Variants in CNTNAP2 observed in about 807,000 individuals in gnomAD.
The protein encoded by CNTNAP2 is contactin associated protein 2.
In CNTNAP2, 98 loss-of-function variants were observed where a neutral mutation model predicts 155.2. The observed-to-expected ratio is 0.63, with a 90% confidence interval of 0.54 to 0.75. The LOEUF (loss-of-function observed/expected upper bound fraction) is 0.75. Ranked by LOEUF, CNTNAP2 falls within the 30% of genes least tolerant of loss-of-function variation. CNTNAP2 has a pLI of 0.00. For missense variants in CNTNAP2, 1,727 were observed against 1,688.1 expected, an observed-to-expected ratio of 1.02 and a Z score of -0.40; for synonymous variants, 651 against 631.2, an observed-to-expected ratio of 1.03 and a Z score of -0.47.
intron 11 of CNTNAP2, among the ~76,000 whole-genome samples, chr7:147,509,536 TC>T (rs1051450503): frequency 6.6e-6 from 1 of 152,182 alleles, no homozygotes; most frequent in African/African-American, 2.4e-5. Flanking sequence ...TTGTGCTTTT[TC>T]TTTCTAACCT....
At chr7:146,216,222 C>A (rs1001803466) in intron 1 of CNTNAP2, among the ~76,000 whole-genome samples, 1 of 152,070 alleles carries the variant, frequency 6.6e-6, no homozygotes, top group African/African-American at 2.4e-5. Context: ...AGCCAAGAAG[C>A]CAGGGGTTGG....
chr7:147,190,680 T>G (rs2116522463), intron 8 of CNTNAP2, among the ~76,000 whole-genome samples: 1 of 152,354 alleles, frequency 6.6e-6, no homozygotes, highest in African/African-American at 2.4e-5. Flanking sequence ...TATAATCATT[T>G]TGCATAAATC....
chr7:146,941,785 T>C (rs1007543940), intron 3 of CNTNAP2, among the ~76,000 whole-genome samples: 3 of 152,030 alleles, frequency 2.0e-5, no homozygotes, highest in Admixed American at 6.5e-5. Flanking sequence ...ACAGATTTTT[T>C]TTTTTCTTCA....
intron 18 of CNTNAP2, among the ~76,000 whole-genome samples, chr7:148,200,895 A>G (rs1002560448): frequency 6.6e-6 from 1 of 152,190 alleles, no homozygotes; most frequent in Non-Finnish European, 1.5e-5. Context: ...TTGTGAGACT[A>G]AATAACATAG....
At chr7:146,622,399 T>G (rs2129156739) in intron 1 of CNTNAP2, among the ~76,000 whole-genome samples, 1 of 152,142 alleles carries the variant, frequency 6.6e-6, no homozygotes, top group South Asian at 2.1e-4. Flanking sequence ...AGTATCTGGA[T>G]GCTATGTATG....
At chr7:146,742,961 A>G (rs1036487708) in intron 1 of CNTNAP2, among the ~76,000 whole-genome samples, 1 of 152,168 alleles carries the variant, frequency 6.6e-6, no homozygotes, top group East Asian at 1.9e-4. Context: ...CATTTTTTTA[A>G]AAAAAGTATA....
At chr7:146,147,076 G>T (rs1017425658) in intron 1 of CNTNAP2, among the ~76,000 whole-genome samples, 1 of 152,122 alleles carries the variant, frequency 6.6e-6, no homozygotes, top group African/African-American at 2.4e-5. Context: ...TGATAACCCG[G>T]AAGTGACCAC....
intron 13 of CNTNAP2, among the ~76,000 whole-genome samples, chr7:147,694,955 T>C (rs1442316831): frequency 1.3e-5 from 2 of 152,338 alleles, no homozygotes; most frequent in African/African-American, 2.4e-5. Flanking sequence ...AGATCTTTTT[T>C]TCTAATATAT....
chr7:146,937,130 G>A (rs1479756334), intron 3 of CNTNAP2, among the ~76,000 whole-genome samples: 1 of 152,030 alleles, frequency 6.6e-6, no homozygotes, highest in Non-Finnish European at 1.5e-5. Flanking sequence ...GCTCATGCCT[G>A]TAATCTCAGC....
chr7:146,548,814 TCGTTTTGTTAA>T (rs1798071568), intron 1 of CNTNAP2, among the ~76,000 whole-genome samples: 1 of 148,950 alleles, frequency 6.7e-6, no homozygotes. Flanking sequence ...TTTTTTTTTT[TCGTTTTGTTAA>T]TTGTTTCCTT....
At chr7:147,824,316 T>A (rs1468322310) in intron 13 of CNTNAP2, among the ~76,000 whole-genome samples, 1 of 152,188 alleles carries the variant, frequency 6.6e-6, no homozygotes, top group Non-Finnish European at 1.5e-5. Context: ...ATCTGTAAGA[T>A]GTGGACCCAG....
intron 13 of CNTNAP2, among the ~76,000 whole-genome samples, chr7:147,739,592 A>G (rs1245114091): frequency 1.3e-5 from 2 of 152,038 alleles, no homozygotes; most frequent in Admixed American, 6.6e-5. Flanking sequence ...ATATACCCCC[A>G]TTATATGATT....
chr7:148,175,895 G>T (rs530476223), intron 18 of CNTNAP2, among the ~76,000 whole-genome samples: 2 of 150,942 alleles, frequency 1.3e-5, no homozygotes, highest in Non-Finnish European at 2.9e-5. Context: ...TTCCTTCTCC[G>T]TTCACCATAA....
At chr7:146,131,464 C>T (rs1455548225) in intron 1 of CNTNAP2, among the ~76,000 whole-genome samples, 2 of 152,088 alleles carry the variant, frequency 1.3e-5, no homozygotes, top group East Asian at 1.9e-4. Context: ...GCCAACAAGT[C>T]CAAGGATTGT....
rs531970313 is a variant in CNTNAP2 at position 146,831,669 on chromosome 7, C to CAAAAAAAAAA, written c.209-8022_209-8013dup. 2.3e-3 allele frequency among the ~76,000 whole-genome samples: 39 copies of CAAAAAAAAAA among 16,820 alleles called. 1 individual carries two copies. Among genetic ancestry groups the CAAAAAAAAAA allele is most frequent in the African/African-American group, 6.6e-3 (38 of 5,726 alleles). The allele number at this position is 16,820 out of a possible 152,430, so 11.0% of individuals were successfully genotyped here. On this transcript the variant is annotated intron_variant, in intron 2 of 23. Transcript: ENST00000361727. ...CCAGCCTGGCGACAGAGCAAGACGC[C>CAAAAAAAAAA]AAAAAAAAAAAAAAAAAAAAAAAAA...
chr7:146,833,288 G>A (rs561513877), intron 2 of CNTNAP2, among the ~76,000 whole-genome samples: 9 of 152,108 alleles, frequency 5.9e-5, no homozygotes, highest in South Asian at 2.1e-4. Context: ...TGTTGACTTC[G>A]TGGCATTGGA....
At chr7:146,238,994 A>G (rs1318638600) in intron 1 of CNTNAP2, among the ~76,000 whole-genome samples, 1 of 152,170 alleles carries the variant, frequency 6.6e-6, no homozygotes, top group African/African-American at 2.4e-5. Flanking sequence ...TTACAATTCA[A>G]GATGAGATTT....
At chr7:147,359,932 CAACATAAACTTG>C (rs1796119914) in intron 9 of CNTNAP2, among the ~76,000 whole-genome samples, 1 of 152,056 alleles carries the variant, frequency 6.6e-6, no homozygotes, top group South Asian at 2.1e-4. Context: ...TTTTTATAAA[CAACATAAACTTG>C]AATATAAACT....
At chr7:146,749,674 A>AAT (rs370162198) in intron 1 of CNTNAP2, among the ~76,000 whole-genome samples, 9,015 of 152,266 alleles carry the variant, frequency 0.059, 819 homozygotes, top group African/African-American at 0.2. Flanking sequence ...ACCCTGAATG[A>AAT]GTGAAGCTAT....
Sources: gnomAD v4.1 joint callset for allele counts (sites outside exome capture counted in the v4.1 genomes callset) on GRCh38, gnomAD v4.1.1 for gene constraint, MANE v1.5 for transcripts, NCBI Gene and HGNC (gene_info 2026-07-23, HGNC 2026-07-21) for gene names.